Variants in CHM observed in about 807,000 individuals in gnomAD.
CHM encodes rab proteins geranylgeranyltransferase component A 1.
In CHM, 10 loss-of-function variants were observed where a neutral mutation model predicts 49.0. The ratio of observed to expected loss-of-function variants is 0.20; its 90% CI spans 0.13 to 0.35. The LOEUF (loss-of-function observed/expected upper bound fraction) is 0.35, where lower values mean the gene tolerates loss of function less well. Ranked by LOEUF, CHM falls within the 10% of genes least tolerant of loss-of-function variation. CHM has a pLI of 1.00. For synonymous variants in CHM, 184 were observed against 167.5 expected, an observed-to-expected ratio of 1.10 and a Z score of -0.76; for missense variants, 455 against 478.4, an observed-to-expected ratio of 0.95 and a Z score of 0.46.
intron 1 of CHM, among the ~76,000 whole-genome samples, chrX:86,046,221 C>T (rs2147817384): frequency 8.9e-6 from 1 of 112,261 alleles, no homozygotes; most frequent in South Asian, 3.7e-4. Flanking sequence ...ATTGTTTCTA[C>T]GAATATGGGT....
At chrX:85,957,825 T>C (rs767208300) in intron 7 of CHM, 30 bp downstream of exon 7, 2 of 1,190,447 alleles carry the variant, frequency 1.7e-6, no homozygotes, top group Non-Finnish European at 2.3e-6. Flanking sequence ...TGTCAAATAA[T>C]TGGAGAGCAC....
intron 13 of CHM, among the ~76,000 whole-genome samples, chrX:85,874,786 C>T (rs1402489309): frequency 9.0e-6 from 1 of 111,437 alleles, no homozygotes; most frequent in Non-Finnish European, 1.9e-5. Flanking sequence ...AATAAAGGAA[C>T]ATAAGGAATT....
At chrX:85,921,054 T>A (rs764785728) in intron 8 of CHM, among the ~76,000 whole-genome samples, 5 of 112,260 alleles carry the variant, frequency 4.5e-5, no homozygotes, top group Non-Finnish European at 7.5e-5. Context: ...ATGGGAATAG[T>A]GGTCTTCAGA....
At chrX:85,882,840 G>C (rs978633989) in intron 12 of CHM, among the ~76,000 whole-genome samples, 10 of 111,304 alleles carry the variant, frequency 9.0e-5, no homozygotes, top group African/African-American at 2.9e-4. Context: ...CAAGTCCAAT[G>C]TACAGTAGCA....
At chrX:85,941,596 T>TTTC (rs948037943) in intron 8 of CHM, among the ~76,000 whole-genome samples, 3 of 111,708 alleles carry the variant, frequency 2.7e-5, no homozygotes, top group African/African-American at 9.8e-5. Flanking sequence ...AAAAGACTAT[T>TTTC]CAACTGAAGT....
intron 2 of CHM, among the ~76,000 whole-genome samples, chrX:85,985,012 A>T (rs1484456730): frequency 9.0e-6 from 1 of 111,201 alleles, no homozygotes. Flanking sequence ...CCCCATACAT[A>T]CCCCTAGGAA....
chrX:85,989,883 C>T (rs913382579), intron 2 of CHM, among the ~76,000 whole-genome samples: 21 of 111,918 alleles, frequency 1.9e-4, no homozygotes, highest in African/African-American at 6.8e-4. Context: ...AACACTTGTA[C>T]ACTGTTGGTG....
At chrX:86,015,409 G>T (rs931817886) in intron 2 of CHM, among the ~76,000 whole-genome samples, 1 of 111,762 alleles carries the variant, frequency 8.9e-6, no homozygotes, top group Non-Finnish European at 1.9e-5. Context: ...TCAATCTCGG[G>T]TATGACTTTA....
At chrX:85,894,698 G>GA (rs1248993883) in intron 11 of CHM, among the ~76,000 whole-genome samples, 1 of 111,164 alleles carries the variant, frequency 9.0e-6, no homozygotes, top group African/African-American at 3.3e-5. Flanking sequence ...TCCAAAATCT[G>GA]AAAAAATCTG....
At chrX:85,889,964 T>C (rs1925338439) in intron 12 of CHM, among the ~76,000 whole-genome samples, 2 of 111,051 alleles carry the variant, frequency 1.8e-5, no homozygotes, top group East Asian at 2.8e-4. Flanking sequence ...AATCCAAATA[T>C]TACATGAACT....
At chrX:85,954,907 C>A (rs5967652) in intron 8 of CHM, among the ~76,000 whole-genome samples, 21,307 of 100,257 alleles carry the variant, frequency 0.21, 2,049 homozygotes, top group Non-Finnish European at 0.24. Flanking sequence ...AAAAAAAAAA[C>A]AAAAGAATGA....
chrX:85,932,874 C>T (rs1483105696), intron 8 of CHM, among the ~76,000 whole-genome samples: 2 of 112,047 alleles, frequency 1.8e-5, no homozygotes, highest in Non-Finnish European at 3.8e-5. Context: ...GCAGGTGCTA[C>T]ACAAGATATG....
chrX:85,969,436 T>G, intron 4 of CHM: 1 of 728,633 alleles, frequency 1.4e-6, no homozygotes, highest in Non-Finnish European at 1.6e-6. Flanking sequence ...ATAGCTACTT[T>G]TATTTCCCCA....
At chrX:85,953,665 C>A (rs1213020270) in intron 8 of CHM, among the ~76,000 whole-genome samples, 2 of 111,956 alleles carry the variant, frequency 1.8e-5, no homozygotes, top group African/African-American at 6.5e-5. Context: ...AGAATATACA[C>A]TGGGTAAAAG....
chrX:85,879,850 C>T (rs988706707), intron 12 of CHM, among the ~76,000 whole-genome samples: 4 of 109,926 alleles, frequency 3.6e-5, no homozygotes, highest in Non-Finnish European at 7.6e-5. Context: ...TATTAGAGAA[C>T]AGTAAGTACC....
At chrX:85,926,780 T>C (rs1403793808) in intron 8 of CHM, among the ~76,000 whole-genome samples, 1 of 111,522 alleles carries the variant, frequency 9.0e-6, no homozygotes, top group African/African-American at 3.2e-5. Context: ...TTTGTAATAC[T>C]TCCATTTTTA....
intron 11 of CHM, among the ~76,000 whole-genome samples, chrX:85,898,993 T>C (rs1926083556): frequency 8.9e-6 from 1 of 112,518 alleles, no homozygotes; most frequent in African/African-American, 3.2e-5. Flanking sequence ...AACGTTCATT[T>C]ATTAGCAATA....
At chrX:85,911,794 C>A (rs1927045752) in intron 8 of CHM, among the ~76,000 whole-genome samples, 1 of 111,216 alleles carries the variant, frequency 9.0e-6, no homozygotes, top group East Asian at 2.8e-4. Flanking sequence ...TCTCCAGTAG[C>A]CAAAACTAAA....
intron 1 of CHM, among the ~76,000 whole-genome samples, chrX:86,031,840 C>CA (rs753678079): frequency 0.016 from 1,582 of 101,950 alleles, 26 homozygotes; most frequent in African/African-American, 0.052. Flanking sequence ...AACTCCGTCT[C>CA]AAAAAAAAAA....
Sources: allele counts gnomAD v4.1 joint callset (sites outside exome capture counted in the v4.1 genomes callset), GRCh38; gene constraint gnomAD v4.1.1; transcripts MANE v1.5; gene names NCBI Gene and HGNC (gene_info 2026-07-23, HGNC 2026-07-21).